The following KRT27 variants were observed in gnomAD, a reference collection of about 807,000 sequenced individuals.
The protein encoded by KRT27 is keratin 27.
A neutral mutation model predicts 45.3 loss-of-function variants in KRT27; 30 were observed. The ratio of observed to expected loss-of-function variants is 0.66; its 90% CI spans 0.50 to 0.90. The LOEUF is 0.90. Among genes scored for constraint, KRT27 ranks in the 40% least tolerant of loss-of-function variants. KRT27 has a pLI of 0.00. For missense variants in KRT27, 610 were observed against 564.3 expected (o/e 1.08, Z -0.82); for synonymous variants, 204 against 223.9 (o/e 0.91, Z 0.79).
chr17:40,779,765 G>T lies in KRT27; in HGVS notation c.781C>A (p.Arg261=), dbSNP rs751398223. ...TCTGCGAGGGCTTCGTACTCAGCTC[G>T]CATATTGTTCAGCAGAACCGTGAGG... ...VDLTVLLNNM[R]AEYEALAEQN... The change falls in exon 4 of 8, where the codon CGA becomes AGA. Residue 261 remains arginine, a synonymous_variant. Transcript: ENST00000301656. 3.7e-6 allele frequency: 6 copies of T among 1,614,248 alleles called. No homozygotes were observed. The highest frequency in any genetic ancestry group is 1.7e-5 in the Admixed American group (1 of 60,028).
chr17:40,779,798 C>CG lies in KRT27; in HGVS notation c.747dup (p.Gly250ArgfsTer14). 6.2e-7 allele frequency: 1 copy of CG among 1,614,236 alleles called. No individual in the cohort carries two copies. Among genetic ancestry groups the CG allele is most frequent in the South Asian group, 1.1e-5 (1 of 91,080 alleles). ...TTCAGCAGAACCGTGAGGTCTACCCCGGGGGCCGCGTTCATCTCCACGTTC... is the reference window on the plus strand; with the variant it reads ...TTCAGCAGAACCGTGAGGTCTACCCCGGGGGGCCGCGTTCATCTCCACGTTC... On this transcript the variant is annotated frameshift_variant, in exon 4 of 8. Coordinates refer to ENST00000301656, the MANE Select transcript of KRT27 (RefSeq NM_181537.4). LOFTEE classifies it high-confidence loss of function.
rs771320979 is a variant in KRT27 at position 40,779,805 on chromosome 17, C to T, written c.741G>A (p.Ala247=). ...AGGNVNVEMN[A]APGVDLTVLL... is the part of the protein sequence containing the mutation. ...GAACCGTGAGGTCTACCCCGGGGGCCGCGTTCATCTCCACGTTCACGTTGC... is the reference window on the plus strand; with the variant it reads ...GAACCGTGAGGTCTACCCCGGGGGCTGCGTTCATCTCCACGTTCACGTTGC... Residue 247 remains alanine, a synonymous_variant, in exon 4 of 8, where the codon GCG becomes GCA. Transcript: ENST00000301656. 6.8e-6 allele frequency: 11 copies of T among 1,614,090 alleles called. No homozygotes were observed. Among genetic ancestry groups the T allele is most frequent in the East Asian group, 6.7e-5 (3 of 44,898 alleles).
chr17:40,780,483 C>T (rs375503978), intron 2 of KRT27, 27 bp from the exon 3 acceptor site: 2 of 1,599,716 alleles, frequency 1.3e-6, no homozygotes, highest in Non-Finnish European at 1.7e-6. Context: ...GAAGTTTCAT[C>T]ATTAGTCATT....
rs936474662 is a variant in KRT27 at position 40,777,071 on chromosome 17, T to A, written c.1308A>T (p.Ser436=). The A allele has an allele frequency of 1.9e-6, 3 of 1,613,684 alleles. No individual in the cohort carries two copies. The highest frequency in any genetic ancestry group is 2.5e-6 in the Non-Finnish European group (3 of 1,179,674). Residue 436 remains serine, a synonymous_variant, in exon 8 of 8, where the codon TCA becomes TCT. Transcript: ENST00000301656. ...EEIDPRGKVL[S]SRVHTVEEKS... ...TCTCTTCCACAGTGTGAACTCTGGATGAGAGAACTTTGCCACGAGGATCTA... is the reference window on the plus strand; with the variant it reads ...TCTCTTCCACAGTGTGAACTCTGGAAGAGAGAACTTTGCCACGAGGATCTA...
chr17:40,780,456 C>T lies in KRT27; in HGVS notation c.528G>A (p.Lys176=). The T allele has an allele frequency of 6.2e-7, 1 of 1,612,648 alleles. No individual in the cohort carries two copies. The highest frequency in any genetic ancestry group is 8.5e-7 in the Non-Finnish European group (1 of 1,179,574). Residue 176 remains lysine (K), a splice_region_variant and synonymous_variant, in exon 3 of 8, where the codon AAG becomes AAA. Transcript: ENST00000301656. ...ARLTADDFRL[K]FENELALHQS... The stretch of plus-strand genomic sequence containing the variant: ...GGTGAAGCGCTAGCTCGTTTTCAAA[C>T]CTTAGAAAAGTATTTGGAAGTTTCA...
rs1347692198 is a variant in KRT27, at chr17:40,777,728, T to G, written c.977A>C (p.His326Pro). The change falls in exon 6 of 8, where the codon CAC becomes CCC. Residue 326 changes from histidine (H) to proline (P), a missense_variant. Transcript: ENST00000301656. ...IELQSLLATKHSLECSLTETE... is the reference protein window; with the variant it reads ...IELQSLLATKPSLECSLTETE... ...CTCTGTCAAGGAGCACTCCAGGGAG[T>G]GTTTCTGTAGTTTGGTAAGACATGG... The G allele has an allele frequency of 1.9e-6, 3 of 1,613,698 alleles. No individual in the cohort carries two copies. The highest frequency in any genetic ancestry group is 2.5e-6 in the Non-Finnish European group (3 of 1,179,884).
chr17:40,780,885 T>TA (rs922369278), intron 2 of KRT27, among the ~76,000 whole-genome samples: 7 of 151,956 alleles, frequency 4.6e-5, no homozygotes, highest in African/African-American at 1.7e-4. Flanking sequence ...ATTAATTAAT[T>TA]AAAAAAACAC....
At chr17:40,779,371 A>G in intron 5 of KRT27, 131 bp downstream of exon 5, 1 of 1,152,918 alleles carries the variant, frequency 8.7e-7, no homozygotes, top group Non-Finnish European at 1.2e-6. Flanking sequence ...GCAAAATGCA[A>G]ATATGTCTTA....
chr17:40,780,354 G>C lies in KRT27; in HGVS notation c.630C>G (p.Ile210Met), dbSNP rs2038300830. Reference protein sequence around the residue: ...ELTLCRTDLEIQLETLSEELA... With the variant: ...ELTLCRTDLEMQLETLSEELA... ...GCTCCTCACTGAGAGTTTCCAGCTG[G>C]ATCTCCAGGTCCGTTCTGCACAAGG... Residue 210 changes from isoleucine to methionine, a missense_variant, in exon 3 of 8, where the codon ATC becomes ATG. Physicochemically the swap from Ile to Met is conservative, Grantham distance 10. Coordinates refer to ENST00000301656, the MANE Select transcript of KRT27 (RefSeq NM_181537.4). 3 of 1,612,920 alleles carry C rather than the reference G, an allele frequency of 1.9e-6. No individual in the cohort carries two copies. Among genetic ancestry groups the C allele is most frequent in the Non-Finnish European group, 2.5e-6 (3 of 1,179,466 alleles).
rs766941655 is a variant in KRT27, at chr17:40,779,738, G to A, written c.808C>T (p.Gln270Ter). Residue 270 changes from glutamine (Q) to a stop codon, truncating the protein, a stop_gained, in exon 4 of 8, where the codon CAG becomes TAG. Coordinates refer to ENST00000301656, the MANE Select transcript of KRT27 (RefSeq NM_181537.4). LOFTEE classifies it high-confidence loss of function. ...CAGGCCTCCGCGTCCCTGCGGTTCT[G>A]CTCTGCGAGGGCTTCGTACTCAGCT... Reference protein sequence around the residue: ...MRAEYEALAEQNRRDAEAWFN... With the variant: ...MRAEYEALAE 1 of 1,614,238 alleles carries A rather than the reference G, an allele frequency of 6.2e-7. No homozygotes were observed. The highest frequency in any genetic ancestry group is 8.5e-7 in the Non-Finnish European group (1 of 1,180,032).
chr17:40,780,377 A>T lies in KRT27; in HGVS notation c.607T>A (p.Leu203Met). The T allele has an allele frequency of 6.2e-7, 1 of 1,613,688 alleles. No individual in the cohort carries two copies. The highest frequency in any genetic ancestry group is 8.5e-7 in the Non-Finnish European group (1 of 1,179,836). The stretch of plus-strand genomic sequence containing the variant: ...TGGATCTCCAGGTCCGTTCTGCACA[A>T]GGTCAGCTCATCCAGGACTCTTCGC... ...GLRRVLDELT[L>M]CRTDLEIQLE... is the part of the protein sequence containing the mutation. Residue 203 changes from leucine to methionine, a missense_variant, in exon 3 of 8, where the codon TTG becomes ATG. Physicochemically the swap from Leu to Met is conservative, Grantham distance 15 (BLOSUM62 2). Transcript: ENST00000301656.
At position 40,779,844 on chromosome 17, in the gene KRT27, C is replaced by G. The variant is rs1183551549; in HGVS notation, c.702G>C (p.Gln234His). 6.2e-7 allele frequency: 1 copy of G among 1,606,240 alleles called. No homozygotes were observed. Among genetic ancestry groups the G allele is most frequent in the African/African-American group, 1.3e-5 (1 of 74,428 alleles). Residue 234 changes from glutamine (Q) to histidine (H), a missense_variant, in exon 4 of 8, where the codon CAG becomes CAC. Coordinates refer to ENST00000301656, the MANE Select transcript of KRT27 (RefSeq NM_181537.4). ...CGTTCACGTTGCCTCCAGCCGCGCA[C>G]TGAAGAGCTTTCATTTCCTGAAAGA... Reference protein sequence around the residue: ...KNHEEEMKALQCAAGGNVNVE... With the variant: ...KNHEEEMKALHCAAGGNVNVE...
chr17:40,779,338 G>A (rs900181330), intron 5 of KRT27, among the ~76,000 whole-genome samples, 164 bp downstream of exon 5: 2 of 152,174 alleles, frequency 1.3e-5, no homozygotes, highest in African/African-American at 2.4e-5. Context: ...GCTATACTTT[G>A]TAGGCAAAGA....
Position 40,776,979 on chromosome 17 carries a change from T to G in KRT27, c.*20A>C. ...TTTGGTATTTTAATTTGGGGGCCAT[T>G]CTGTCTCAGAGGCTGGAGTTCAGGA... On this transcript the variant is annotated 3_prime_UTR_variant, in exon 8 of 8. Transcript: ENST00000301656. The G allele has an allele frequency of 3.2e-6, 5 of 1,573,712 alleles. No homozygotes were observed. The highest frequency in any genetic ancestry group is 3.5e-6 in the Non-Finnish European group (4 of 1,156,302).
Position 40,779,633 on chromosome 17 carries a change from A to T in KRT27, c.847-6T>A, listed in dbSNP as rs371234958. The T allele has an allele frequency of 1.1e-5, 18 of 1,613,982 alleles. No individual in the cohort carries two copies. In the Middle Eastern group the frequency reaches 8.2e-4, roughly 74 times the overall value. On this transcript the variant is annotated splice_region_variant and splice_polypyrimidine_tract_variant and intron_variant, in intron 4 of 7. Transcript: ENST00000301656. Reference sequence around the variant, plus strand: ...TGCTGCTGCAGCGAGGCGCTCTGGAACGGCAGGGGCCGCGTTAGGGCGCTG... The same window carrying T: ...TGCTGCTGCAGCGAGGCGCTCTGGATCGGCAGGGGCCGCGTTAGGGCGCTG...
rs747487329 is a variant in KRT27 at position 40,782,367 on chromosome 17, T to G, written c.127A>C (p.Ser43Arg). ...CCCCCAAAAGCACAAGAGAAGCCAC[T>G]TCCAATGCCTGGCACACCGCATGTG... is the stretch of plus-strand genomic sequence containing the variant. The part of the protein sequence containing the change: ...GNTCGVPGIG[S>R]GFSCAFGGSS... Residue 43 changes from serine to arginine, a missense_variant, in exon 1 of 8, where the codon AGT becomes CGT. Transcript: ENST00000301656. The G allele has an allele frequency of 6.2e-7, 1 of 1,614,146 alleles. No homozygotes were observed. Among genetic ancestry groups the G allele is most frequent in the East Asian group, 2.2e-5 (1 of 44,880 alleles).
chr17:40,779,669 CG>C, intron 4 of KRT27, 30 bp downstream of exon 4: 1 of 1,613,222 alleles, frequency 6.2e-7, no homozygotes, highest in Non-Finnish European at 8.5e-7. Context: ...GGGCTGAGTC[CG>C]CGCCCGGGCG....
At chr17:40,781,518 C>T (rs529954229) in intron 1 of KRT27, among the ~76,000 whole-genome samples, 35 of 152,350 alleles carry the variant, frequency 2.3e-4, no homozygotes, top group African/African-American at 8.4e-4. Flanking sequence ...CAACCTCCAC[C>T]TCCCAGATTC....
At chr17:40,780,241 A>G in intron 3 of KRT27, 59 bp downstream of exon 3, 1 of 1,488,072 alleles carries the variant, frequency 6.7e-7, no homozygotes, top group Non-Finnish European at 9.1e-7. Flanking sequence ...ATCATCTGAA[A>G]TTAGTTTTAA....
Sources: gnomAD v4.1 joint callset for allele counts (sites outside exome capture counted in the v4.1 genomes callset) on GRCh38, gnomAD v4.1.1 for gene constraint, MANE v1.5 for transcripts, NCBI Gene and HGNC (gene_info 2026-07-23, HGNC 2026-07-21) for gene names.